The following SGCZ variants were observed in gnomAD, a reference collection of about 807,000 sequenced individuals.
The protein encoded by SGCZ is sarcoglycan zeta.
In SGCZ, 40 loss-of-function variants were observed where a neutral mutation model predicts 41.3. The ratio of observed to expected loss-of-function variants is 0.97; its 90% CI spans 0.75 to 1.26. The LOEUF is 1.26. Among genes scored for constraint, SGCZ ranks in the 50% most tolerant of loss-of-function variants. SGCZ has a pLI of 0.00. For missense variants in SGCZ, 552 were observed against 369.8 expected (o/e 1.49, Z -4.04); for synonymous variants, 206 against 137.5 (o/e 1.50, Z -3.49).
intron 1 of SGCZ, among the ~76,000 whole-genome samples, chr8:14,678,720 A>G (rs1055191586): frequency 1.3e-5 from 2 of 152,250 alleles, no homozygotes; most frequent in Admixed American, 6.5e-5. Flanking sequence ...CTATGTTCAT[A>G]GAAAAACCTG....
chr8:14,732,907 A>G (rs541281091), intron 1 of SGCZ, among the ~76,000 whole-genome samples: 1 of 138,982 alleles, frequency 7.2e-6, no homozygotes, highest in Admixed American at 7.8e-5. Context: ...ATCATGTTCT[A>G]AAACACATTT....
intron 1 of SGCZ, among the ~76,000 whole-genome samples, chr8:14,601,120 C>T (rs895560554): frequency 6.6e-6 from 1 of 151,314 alleles, no homozygotes; most frequent in African/African-American, 2.4e-5. Context: ...TATCCCTTTA[C>T]AACTTGATTA....
In SGCZ at chr8:14,088,072, C is replaced by CT. The variant is rs145102921; in HGVS notation, c.*2370dup. Among the ~76,000 whole-genome samples, 10 of 150,920 alleles carry CT rather than the reference C, an allele frequency of 6.6e-5. No individual in the cohort carries two copies. The highest frequency in any genetic ancestry group is 3.9e-4 in the East Asian group (2 of 5,132). On this transcript the variant is annotated 3_prime_UTR_variant, in exon 8 of 8. Coordinates refer to ENST00000382080, the MANE Select transcript of SGCZ (RefSeq NM_139167.4). ...TCGGTTTTTACATCTTTTTTTCTCA[C>CT]TTTTTTTTTCATCTTTTCTCCTCTT...
At chr8:15,184,299 C>A (rs761365110) in intron 1 of SGCZ, among the ~76,000 whole-genome samples, 1 of 152,092 alleles carries the variant, frequency 6.6e-6, no homozygotes, top group African/African-American at 2.4e-5. Context: ...AAAACAAACA[C>A]GGTGCATGTT....
At position 15,097,736 on chromosome 8, in the gene SGCZ, AT is replaced by A. The variant is rs763812071; in HGVS notation, c.39+139848del. Among the ~76,000 whole-genome samples the A allele has an allele frequency of 6.0e-4, 51 of 84,308 alleles. No individual in the cohort carries two copies. The East Asian group carries it at 6.6e-3, about 11-fold the overall frequency. The allele number at this position is 84,308 out of a possible 152,430, so 55.3% of individuals were successfully genotyped here. A position where few individuals can be genotyped will look rare whatever the true frequency, so the allele number is the denominator to read the frequency against. ...AGAGTGAGAGCTTATAAAAAAAAAA[AT>A]ATATATATATATACACGTATATATG... On this transcript the variant is annotated intron_variant, in intron 1 of 7. Transcript: ENST00000382080.
chr8:14,555,697 G>C (rs984594180), intron 1 of SGCZ, among the ~76,000 whole-genome samples: 4 of 151,998 alleles, frequency 2.6e-5, no homozygotes, highest in African/African-American at 9.7e-5. Flanking sequence ...AGTAGAGAGA[G>C]ACTGAGTCTA....
chr8:14,696,724 T>C (rs905612119), intron 1 of SGCZ, among the ~76,000 whole-genome samples: 1 of 151,996 alleles, frequency 6.6e-6, no homozygotes, highest in African/African-American at 2.4e-5. Context: ...GTCTTGCCTA[T>C]TGTATGCTGC....
chr8:14,510,261 A>G lies in SGCZ; in HGVS notation c.234+44471T>C, dbSNP rs551668666. On this transcript the variant is annotated intron_variant, in intron 2 of 7. Coordinates refer to ENST00000382080, the MANE Select transcript of SGCZ (RefSeq NM_139167.4). ...AGTAAAATAAGAGGCAGACTGGTGGAGTAGAAAGTAAACTGAAAATGAGAA... is the reference window on the plus strand; with the variant it reads ...AGTAAAATAAGAGGCAGACTGGTGGGGTAGAAAGTAAACTGAAAATGAGAA... Among the ~76,000 whole-genome samples, 6 of 152,266 alleles carry G rather than the reference A, an allele frequency of 3.9e-5. No homozygotes were observed. In the East Asian group the frequency reaches 9.7e-4, roughly 25 times the overall value.
intron 1 of SGCZ, among the ~76,000 whole-genome samples, chr8:15,133,413 T>A (rs1246409907): frequency 6.6e-6 from 1 of 152,186 alleles, no homozygotes; most frequent in Non-Finnish European, 1.5e-5. Context: ...CTACAGGTCA[T>A]GATTTCATAG....
intron 1 of SGCZ, among the ~76,000 whole-genome samples, chr8:14,998,623 T>A (rs1413214224): frequency 2.6e-5 from 4 of 152,220 alleles, no homozygotes; most frequent in African/African-American, 9.6e-5. Flanking sequence ...ATTACAAGTT[T>A]CAATAGCAAA....
chr8:14,696,477 A>T (rs1159327496), intron 1 of SGCZ, among the ~76,000 whole-genome samples: 4 of 152,176 alleles, frequency 2.6e-5, no homozygotes, highest in African/African-American at 9.6e-5. Context: ...CCATGGAAAA[A>T]TAATTGCAGA....
chr8:14,242,653 T>C (rs555396166), intron 3 of SGCZ, among the ~76,000 whole-genome samples: 1 of 152,256 alleles, frequency 6.6e-6, no homozygotes, highest in East Asian at 1.9e-4. Context: ...ACTATAGTAT[T>C]TTACTACTAA....
intron 2 of SGCZ, among the ~76,000 whole-genome samples, chr8:14,351,973 C>T (rs769943687): frequency 7.9e-5 from 12 of 152,038 alleles, no homozygotes; most frequent in African/African-American, 1.9e-4. Context: ...CCGTCAACCT[C>T]GATGTCCTTT....
At chr8:14,628,783 T>C (rs1806547139) in intron 1 of SGCZ, among the ~76,000 whole-genome samples, 1 of 152,158 alleles carries the variant, frequency 6.6e-6, no homozygotes, top group African/African-American at 2.4e-5. Context: ...TTATCTTTCC[T>C]GTAAATATGC....
chr8:14,138,949 C>A (rs1348174430), intron 5 of SGCZ, among the ~76,000 whole-genome samples: 1 of 152,170 alleles, frequency 6.6e-6, no homozygotes, highest in Non-Finnish European at 1.5e-5. Context: ...AAGTATAGCA[C>A]TCCTCAGCAA....
intron 2 of SGCZ, among the ~76,000 whole-genome samples, chr8:14,394,298 G>T (rs1291933578): frequency 6.6e-6 from 1 of 151,804 alleles, no homozygotes; most frequent in Non-Finnish European, 1.5e-5. Flanking sequence ...CTACAGGCAT[G>T]CGCCACCACA....
chr8:14,441,033 A>T (rs115274157), intron 2 of SGCZ, among the ~76,000 whole-genome samples: 1 of 152,110 alleles, frequency 6.6e-6, no homozygotes, highest in African/African-American at 2.4e-5. Context: ...ATGATTTATC[A>T]TTTTTTTCTA....
intron 2 of SGCZ, among the ~76,000 whole-genome samples, chr8:14,369,766 AT>A (rs1460843813): frequency 1.4e-4 from 21 of 151,884 alleles, no homozygotes; most frequent in East Asian, 7.7e-4. Flanking sequence ...TATAAATACA[AT>A]TTTTTCCTCT....
At chr8:14,873,482 G>A (rs1196967400) in intron 1 of SGCZ, among the ~76,000 whole-genome samples, 1 of 152,054 alleles carries the variant, frequency 6.6e-6, no homozygotes, top group African/African-American at 2.4e-5. Context: ...TGTAAGGTGG[G>A]GTTGATGGAA....
Sources: gnomAD v4.1 joint callset for allele counts (sites outside exome capture counted in the v4.1 genomes callset) on GRCh38, gnomAD v4.1.1 for gene constraint, MANE v1.5 for transcripts, NCBI Gene and HGNC (gene_info 2026-07-23, HGNC 2026-07-21) for gene names.